ALG6: variants seen among roughly 807,000 people sequenced by gnomAD.
The protein encoded by ALG6 is dolichyl pyrophosphate Man9GlcNAc2 alpha-1,3-glucosyltransferase.
A neutral mutation model predicts 66.6 loss-of-function variants in ALG6; 46 were observed. The observed-to-expected ratio is 0.69, with a 90% CI of 0.55 to 0.88. The LOEUF is 0.88. ALG6 is among the 40% of genes least tolerant of loss of function. ALG6 has a pLI of 0.00. For synonymous variants in ALG6, 185 were observed against 203.7 expected, an observed-to-expected ratio of 0.91 and a Z score of 0.78; for missense variants, 505 against 586.8, an observed-to-expected ratio of 0.86 and a Z score of 1.44.
chr1:63,393,362 A>T (rs758372407), intron 2 of ALG6, among the ~76,000 whole-genome samples: 5 of 152,226 alleles, frequency 3.3e-5, no homozygotes, highest in African/African-American at 4.8e-5. Context: ...CTATATGCCT[A>T]GCAATGTTTT....
intron 14 of ALG6, among the ~76,000 whole-genome samples, chr1:63,434,367 G>A (rs534864273): frequency 1.1e-4 from 17 of 152,294 alleles, no homozygotes; most frequent in Admixed American, 8.5e-4. Context: ...GCCATTTACC[G>A]AATTGGAGGA....
chr1:63,414,884 G>A (rs1644537362), intron 10 of ALG6, among the ~76,000 whole-genome samples: 1 of 152,156 alleles, frequency 6.6e-6, no homozygotes, highest in South Asian at 2.1e-4. Context: ...ATCTAGGGGG[G>A]AAGGAAGAGC....
intron 2 of ALG6, among the ~76,000 whole-genome samples, chr1:63,389,872 G>T (rs973604644): frequency 2.0e-4 from 30 of 152,180 alleles, no homozygotes; most frequent in Admixed American, 1.6e-3. Flanking sequence ...AAATCTGAGA[G>T]AATTCTTTGG....
chr1:63,374,650 T>A (rs1162209043), intron 2 of ALG6, among the ~76,000 whole-genome samples: 1 of 151,550 alleles, frequency 6.6e-6, no homozygotes, highest in Non-Finnish European at 1.5e-5. Flanking sequence ...AGGATTCTTG[T>A]GAGGATTGAG....
At chr1:63,371,246 A>C in intron 2 of ALG6, 187 bp downstream of exon 2, 1 of 584,142 alleles carries the variant, frequency 1.7e-6, no homozygotes, top group South Asian at 2.0e-5. Flanking sequence ...AAATAGAAGC[A>C]TGCGCTTTGT....
intron 4 of ALG6, 131 bp from the exon 5 acceptor site, chr1:63,404,322 G>A: frequency 6.4e-6 from 5 of 782,394 alleles, no homozygotes; most frequent in South Asian, 4.3e-5. Context: ...TAAAACTTAA[G>A]CATTGACTCT....
At chr1:63,405,764 G>T (rs916050260) in intron 5 of ALG6, among the ~76,000 whole-genome samples, 1 of 151,916 alleles carries the variant, frequency 6.6e-6, no homozygotes, top group Non-Finnish European at 1.5e-5. Context: ...TACATTTGAA[G>T]AACTTATGTA....
chr1:63,402,458 G>GTTT, intron 4 of ALG6, 115 bp downstream of exon 4: 2 of 339,992 alleles, frequency 5.9e-6, no homozygotes, highest in Non-Finnish European at 5.1e-6. Flanking sequence ...AGCTGCTATT[G>GTTT]TATTTTTTTT....
intron 1 of ALG6, among the ~76,000 whole-genome samples, chr1:63,368,501 C>A (rs943111078): frequency 6.9e-6 from 1 of 145,920 alleles, no homozygotes; most frequent in East Asian, 2.0e-4. Context: ...TCCTTTTACA[C>A]TTTTTTTTTT....
In ALG6 at chr1:63,404,391, A is replaced by G. The variant is rs1557589196; in HGVS notation, c.258-62A>G. The G allele has an allele frequency of 7.7e-6, 10 of 1,290,526 alleles. No homozygotes were observed. In the East Asian group the frequency reaches 1.4e-4, roughly 18 times the overall value. The allele number at this position is 1,290,526 out of a possible 1,614,324, so 79.9% of individuals were successfully genotyped here. ...ATATTAATACATTCATATATCCTTCAATATCTTTATTGCTAAAAGGGATGA... is the reference window on the plus strand; with the variant it reads ...ATATTAATACATTCATATATCCTTCGATATCTTTATTGCTAAAAGGGATGA... On this transcript the variant is annotated intron_variant, in intron 4 of 14. Transcript: ENST00000263440.
intron 14 of ALG6, among the ~76,000 whole-genome samples, chr1:63,431,317 CTTTA>C (rs1644644103): frequency 1.3e-5 from 2 of 152,162 alleles, no homozygotes; most frequent in Admixed American, 1.3e-4. Context: ...TTTTACATCC[CTTTA>C]TTTTCATATT....
At chr1:63,412,580 G>A (rs1012072302) in intron 9 of ALG6, among the ~76,000 whole-genome samples, 1 of 152,018 alleles carries the variant, frequency 6.6e-6, no homozygotes, top group Non-Finnish European at 1.5e-5. Flanking sequence ...TTAGTCTTAG[G>A]AAATTATTTG....
At chr1:63,407,254 A>G in intron 7 of ALG6, 128 bp downstream of exon 7, 1 of 669,734 alleles carries the variant, frequency 1.5e-6, no homozygotes, top group Non-Finnish European at 2.7e-6. Flanking sequence ...ATTTCACAAT[A>G]ATATAAAAGA....
intron 12 of ALG6, 32 bp from the exon 13 acceptor site, chr1:63,428,701 A>G (rs901478056): frequency 6.5e-6 from 9 of 1,391,182 alleles, no homozygotes; most frequent in Middle Eastern, 2.5e-4. Context: ...ATATTCTGTA[A>G]TATTAAAATA....
At position 63,406,468 on chromosome 1, in the gene ALG6, A is replaced by G. The variant is rs1040458588; in HGVS notation, c.429+69A>G. ...CTTTATTAGTCTAACTATTAAGTAT[A>G]GACCTTAGAGAAGCCATGCTTTTGG... On this transcript the variant is annotated intron_variant, in intron 6 of 14. Transcript: ENST00000263440. The G allele has an allele frequency of 9.8e-6, 13 of 1,320,720 alleles. No individual in the cohort carries two copies. In the African/African-American group the frequency reaches 1.7e-4, roughly 18 times the overall value. 81.8% of individuals were successfully genotyped at this position (1,320,720 alleles called of 1,614,324 possible). A position where few individuals can be genotyped will look rare whatever the true frequency, so the allele number is the denominator to read the frequency against.
chr1:63,386,879 GTTGT>G (rs1232525006), intron 2 of ALG6, among the ~76,000 whole-genome samples: 13 of 152,036 alleles, frequency 8.6e-5, no homozygotes, highest in Admixed American at 5.9e-4. Flanking sequence ...GTATCATTAG[GTTGT>G]TTATTTGAAG....
intron 10 of ALG6, among the ~76,000 whole-genome samples, chr1:63,415,331 C>A (rs970078376): frequency 2.0e-5 from 3 of 152,146 alleles, no homozygotes; most frequent in African/African-American, 7.2e-5. Context: ...TTTTCTAGTT[C>A]TTTTTCCTCC....
At chr1:63,415,197 A>G (rs1438353339) in intron 10 of ALG6, among the ~76,000 whole-genome samples, 1 of 152,164 alleles carries the variant, frequency 6.6e-6, no homozygotes, top group East Asian at 1.9e-4. Flanking sequence ...TGATGAGTCA[A>G]AATCTACAAC....
At chr1:63,418,019 T>C (rs1570076420) in intron 11 of ALG6, among the ~76,000 whole-genome samples, 1 of 151,434 alleles carries the variant, frequency 6.6e-6, no homozygotes, top group South Asian at 2.1e-4. Context: ...CCTGTAATCC[T>C]AGCTACTGGG....
Sources: gnomAD v4.1 joint callset for allele counts (sites outside exome capture counted in the v4.1 genomes callset) on GRCh38, gnomAD v4.1.1 for gene constraint, MANE v1.5 for transcripts, NCBI Gene and HGNC (gene_info 2026-07-23, HGNC 2026-07-21) for gene names.